The following DENND4C variants were observed in gnomAD, a reference collection of about 807,000 sequenced individuals.
DENND4C encodes DENN domain containing 4C, also known as DENN domain-containing protein 4C.
DENND4C carries 108 observed loss-of-function variants against 203.0 expected under a neutral mutation model. The ratio of observed to expected loss-of-function variants is 0.53; its 90% CI spans 0.46 to 0.62. The LOEUF (loss-of-function observed/expected upper bound fraction) is 0.62, where lower values mean the gene tolerates loss of function less well. Ranked by LOEUF, DENND4C falls within the 20% of genes least tolerant of loss-of-function variation. The pLI, the probability that DENND4C is intolerant of heterozygous loss-of-function variation, is 0.00. For missense variants in DENND4C, 2,481 were observed against 2,301.2 expected (o/e 1.08, Z -1.60); for synonymous variants, 871 against 792.4 (o/e 1.10, Z -1.67).
intron 1 of DENND4C, among the ~76,000 whole-genome samples, chr9:19,245,027 A>G (rs1471122259): frequency 6.6e-6 from 1 of 152,212 alleles, no homozygotes; most frequent in African/African-American, 2.4e-5. Flanking sequence ...TTCTTTTCTA[A>G]CCTACCTTAG....
rs1221966781 is a variant in DENND4C, at chr9:19,298,060, A to G, written c.1045A>G (p.Ile349Val). Residue 349 changes from isoleucine (I) to valine (V), a missense_variant, in exon 7 of 33, where the codon ATT becomes GTT. This residue lies in a region of DENND4C where 2,289 missense variants were observed against 2,113.3 expected (regional missense o/e 1.08). Coordinates refer to ENST00000434457, the MANE Select transcript of DENND4C (RefSeq NM_001330640.2). ...ATTTCAAATTTTTTTTTCTAGGCACATTTCACATTTTATGCAAAACATCCC... is the reference window on the plus strand; with the variant it reads ...ATTTCAAATTTTTTTTTCTAGGCACGTTTCACATTTTATGCAAAACATCCC... ...GPHPLPIEKHISHFMQNIPFP... is the reference protein window; with the variant it reads ...GPHPLPIEKHVSHFMQNIPFP... The G allele has an allele frequency of 3.1e-6, 5 of 1,608,206 alleles. No homozygotes were observed. Among genetic ancestry groups the G allele is most frequent in the Non-Finnish European group, 3.4e-6 (4 of 1,177,338 alleles).
rs1392950754 is a variant in DENND4C, at chr9:19,357,145, T to C, written c.4955T>C (p.Val1652Ala). ...ATAACTGAAGAAACAGGCTCTGCAG[T>C]TGAACCAAGGTATCAAAGGGTACAG... is the stretch of plus-strand genomic sequence containing the variant. The part of the protein sequence containing the change: ...QIITEETGSA[V>A]EPSDEIKRAS... Residue 1652 changes from valine (V) to alanine (A), a missense_variant, in exon 27 of 33, where the codon GTT (valine) becomes GCT (alanine). Coordinates refer to ENST00000434457, the MANE Select transcript of DENND4C (RefSeq NM_001330640.2). 1 of 1,613,864 alleles carries C rather than the reference T, an allele frequency of 6.2e-7. No homozygotes were observed.
intron 10 of DENND4C, among the ~76,000 whole-genome samples, chr9:19,309,368 G>T (rs1189750109): frequency 6.6e-6 from 1 of 150,922 alleles, no homozygotes; most frequent in East Asian, 1.9e-4. Context: ...GTTGCAGTCA[G>T]TTGAGATCGT....
intron 1 of DENND4C, among the ~76,000 whole-genome samples, chr9:19,259,213 A>G (rs1454755288): frequency 6.6e-6 from 1 of 151,826 alleles, no homozygotes; most frequent in Non-Finnish European, 1.5e-5. Context: ...CTATTTTTGT[A>G]TGCATTAACC....
At chr9:19,254,500 A>G (rs1375857487) in intron 1 of DENND4C, among the ~76,000 whole-genome samples, 2 of 152,198 alleles carry the variant, frequency 1.3e-5, no homozygotes, top group Non-Finnish European at 2.9e-5. Flanking sequence ...AAAGACAAAT[A>G]TTGTATAGTC....
At chr9:19,335,813 A>G (rs1429584672) in intron 18 of DENND4C, among the ~76,000 whole-genome samples, 1 of 152,194 alleles carries the variant, frequency 6.6e-6, no homozygotes, top group African/African-American at 2.4e-5. Flanking sequence ...ATGCTGCAAT[A>G]AACATGGGAG....
chr9:19,300,259 A>C lies in DENND4C; in HGVS notation c.1239A>C (p.Leu413Phe). ...ENCATLLLFV[L>F]LESKILLHSL... ...GTGCAACACTGCTGCTCTTTGTTTT[A>C]CTTGAGAGTAAAATTCTGCTGCATT... The change falls in exon 9 of 33, where the codon TTA (leucine) becomes TTC (phenylalanine). Residue 413 changes from leucine to phenylalanine, a missense_variant. Leu to Phe is a conservative substitution (Grantham distance 22). Transcript: ENST00000434457. The C allele has an allele frequency of 6.2e-7, 1 of 1,612,570 alleles. No individual in the cohort carries two copies. Among genetic ancestry groups the C allele is most frequent in the Non-Finnish European group, 8.5e-7 (1 of 1,178,964 alleles).
intron 4 of DENND4C, 76 bp from the exon 5 acceptor site, chr9:19,290,628 C>G (rs1415741704): frequency 1.9e-6 from 2 of 1,026,938 alleles, no homozygotes; most frequent in African/African-American, 3.2e-5. Flanking sequence ...TTAAAATATT[C>G]CATTAATACC....
intron 24 of DENND4C, 107 bp downstream of exon 24, chr9:19,350,986 C>T (rs896082627): frequency 1.7e-6 from 2 of 1,159,162 alleles, no homozygotes; most frequent in Non-Finnish European, 1.2e-6. Context: ...TGGTCTCGAA[C>T]TCCTGGGCTC....
intron 22 of DENND4C, among the ~76,000 whole-genome samples, chr9:19,345,512 T>C (rs2131991599): frequency 6.6e-6 from 1 of 152,378 alleles, no homozygotes; most frequent in Admixed American, 6.5e-5. Flanking sequence ...GTATAGCAAA[T>C]ATACAATTCC....
chr9:19,272,433 C>G (rs1300160672), intron 1 of DENND4C, among the ~76,000 whole-genome samples: 1 of 150,988 alleles, frequency 6.6e-6, no homozygotes, highest in Non-Finnish European at 1.5e-5. Flanking sequence ...AAAACAAAAA[C>G]AAAAACAAAA....
chr9:19,348,948 C>G (rs1210931920), intron 23 of DENND4C, among the ~76,000 whole-genome samples: 1 of 152,054 alleles, frequency 6.6e-6, no homozygotes, highest in Non-Finnish European at 1.5e-5. Flanking sequence ...GCTAGGACTC[C>G]AGGCGTGCCC....
chr9:19,322,510 C>A (rs189106031), intron 12 of DENND4C, among the ~76,000 whole-genome samples: 2 of 151,942 alleles, frequency 1.3e-5, no homozygotes, highest in African/African-American at 4.8e-5. Flanking sequence ...GCCTGTAATC[C>A]CCGCACTTTC....
intron 30 of DENND4C, among the ~76,000 whole-genome samples, chr9:19,365,490 C>T (rs1827446260): frequency 6.6e-6 from 1 of 152,124 alleles, no homozygotes; most frequent in Admixed American, 6.6e-5. Flanking sequence ...CAAGGATGCC[C>T]ACTTTTGCCA....
At chr9:19,342,508 G>T (rs1191453769) in intron 21 of DENND4C, 125 bp from the exon 22 acceptor site, 6 of 987,136 alleles carry the variant, frequency 6.1e-6, no homozygotes, top group Non-Finnish European at 1.4e-6. Context: ...TTTACTTTGT[G>T]TCTAAAGTAA....
At position 19,358,188 on chromosome 9, in the gene DENND4C, A is replaced by G. The variant is rs776346293; in HGVS notation, c.5160+28A>G. ...ATGTAACAACAACAACATTGTAATT[A>G]TACTGCATACACACCTAAGTATATA... On this transcript the variant is annotated intron_variant, in intron 28 of 32. Transcript: ENST00000434457. The surrounding 1 kb of genome is among the most constrained non-coding windows in gnomAD (Gnocchi z 4.8). 4 of 1,567,024 alleles carry G rather than the reference A, an allele frequency of 2.6e-6. No individual in the cohort carries two copies. The highest frequency in any genetic ancestry group is 3.4e-4 in the Middle Eastern group (2 of 5,944).
At chr9:19,307,656 A>C (rs1412146806) in intron 10 of DENND4C, among the ~76,000 whole-genome samples, 1 of 151,240 alleles carries the variant, frequency 6.6e-6, no homozygotes, top group Non-Finnish European at 1.5e-5. Flanking sequence ...TGTAATCCCA[A>C]CTACTCGGGA....
chr9:19,326,219 TA>T, intron 15 of DENND4C, 25 bp downstream of exon 15: 1 of 1,591,302 alleles, frequency 6.3e-7, no homozygotes, highest in Non-Finnish European at 8.5e-7. Flanking sequence ...TAAAAGAGCT[TA>T]ATGGCACAGC....
intron 2 of DENND4C, among the ~76,000 whole-genome samples, chr9:19,277,825 T>C (rs1483243636): frequency 3.3e-5 from 5 of 151,884 alleles, no homozygotes; most frequent in Non-Finnish European, 7.3e-5. Context: ...GTTGAGGAAA[T>C]GTTCTTCTAT....
Sources: gnomAD v4.1 joint callset for allele counts (sites outside exome capture counted in the v4.1 genomes callset) on GRCh38, gnomAD v4.1.1 for gene constraint, gnomAD v4.1.1 regional missense constraint, Gnocchi (gnomAD v3.1) non-coding constraint, MANE v1.5 for transcripts, NCBI Gene and HGNC (gene_info 2026-07-23, HGNC 2026-07-21) for gene names.